PPARGC1A: variants seen among roughly 807,000 people sequenced by gnomAD.
PPARGC1A encodes the protein peroxisome proliferator-activated receptor gamma coactivator 1-alpha.
A neutral mutation model predicts 88.7 loss-of-function variants in PPARGC1A; 25 were observed. The observed-to-expected ratio is 0.28, with a 90% CI of 0.21 to 0.39. The LOEUF (loss-of-function observed/expected upper bound fraction) is 0.39. Ranked by LOEUF, PPARGC1A falls within the 10% of genes least tolerant of loss-of-function variation. The pLI is 1.00. For missense variants in PPARGC1A, 880 were observed against 968.7 expected (o/e 0.91, Z 1.22); for synonymous variants, 363 against 355.6 (o/e 1.02, Z -0.24).
chr4:23,855,324 T>C (rs1165591342), intron 2 of PPARGC1A, among the ~76,000 whole-genome samples: 1 of 152,204 alleles, frequency 6.6e-6, no homozygotes, highest in African/African-American at 2.4e-5. Flanking sequence ...TATTTGAATC[T>C]GGCTTTTACC....
At chr4:24,087,530 C>T in the PPARGC1A span, among the ~76,000 whole-genome samples, 3 of 152,212 alleles carry the variant, frequency 2.0e-5, no homozygotes, top group Admixed American at 2.0e-4. Flanking sequence ...TATCTTCAAT[C>T]TAACAACTGG....
chr4:23,960,035 T>C, the PPARGC1A span, among the ~76,000 whole-genome samples: 1 of 152,258 alleles, frequency 6.6e-6, no homozygotes, highest in South Asian at 2.1e-4. Flanking sequence ...TTATAGTTAG[T>C]TCACACACAA....
chr4:24,235,955 C>A, the PPARGC1A span, among the ~76,000 whole-genome samples: 1 of 152,172 alleles, frequency 6.6e-6, no homozygotes, highest in Admixed American at 6.6e-5. Context: ...TTTCCTTCAT[C>A]CTGTGACTAT....
At chr4:23,876,280 C>A (rs1714671128) in intron 2 of PPARGC1A, among the ~76,000 whole-genome samples, 2 of 152,192 alleles carry the variant, frequency 1.3e-5, no homozygotes, top group African/African-American at 4.8e-5. Context: ...CCTTAAAATT[C>A]TGATCCTATT....
At chr4:24,192,998 G>A in the PPARGC1A span, among the ~76,000 whole-genome samples, 1 of 152,094 alleles carries the variant, frequency 6.6e-6, no homozygotes, top group African/African-American at 2.4e-5. Flanking sequence ...TTCAGCACCA[G>A]AACATTAGAA....
At chr4:24,125,263 A>C in the PPARGC1A span, among the ~76,000 whole-genome samples, 1 of 152,086 alleles carries the variant, frequency 6.6e-6, no homozygotes, top group Non-Finnish European at 1.5e-5. Flanking sequence ...CTCTTCAGAA[A>C]CTTGCCAGGT....
the PPARGC1A span, among the ~76,000 whole-genome samples, chr4:24,436,734 AG>A: frequency 5.7e-5 from 8 of 139,214 alleles, no homozygotes; most frequent in Admixed American, 7.1e-5. Context: ...TGGCCACCCC[AG>A]AGCCCGGGTC....
At chr4:24,393,043 ACACACC>A in the PPARGC1A span, among the ~76,000 whole-genome samples, 4 of 99,440 alleles carry the variant, frequency 4.0e-5, no homozygotes, top group Non-Finnish European at 9.0e-5. Context: ...ACACACACAC[ACACACC>A]CCTTTTTCTG....
chr4:24,043,429 G>A, the PPARGC1A span, among the ~76,000 whole-genome samples: 1 of 152,122 alleles, frequency 6.6e-6, no homozygotes, highest in African/African-American at 2.4e-5. Context: ...CGGCTTTACT[G>A]TAACTTCATT....
At chr4:24,134,046 G>A in the PPARGC1A span, among the ~76,000 whole-genome samples, 1 of 152,288 alleles carries the variant, frequency 6.6e-6, no homozygotes, top group African/African-American at 2.4e-5. Context: ...ACAGGTGAAA[G>A]CAAATATTGT....
the PPARGC1A span, among the ~76,000 whole-genome samples, chr4:24,069,484 G>A: frequency 6.6e-6 from 1 of 152,116 alleles, no homozygotes; most frequent in Non-Finnish European, 1.5e-5. Context: ...CTTTAGCTTA[G>A]CATAAGATGA....
the PPARGC1A span, among the ~76,000 whole-genome samples, chr4:24,421,858 C>G: frequency 6.6e-6 from 1 of 151,858 alleles, no homozygotes; most frequent in Admixed American, 6.6e-5. Context: ...TTTGGTGATT[C>G]CTTATTAAGG....
At chr4:24,332,682 T>A in the PPARGC1A span, among the ~76,000 whole-genome samples, 3 of 152,132 alleles carry the variant, frequency 2.0e-5, no homozygotes, top group Non-Finnish European at 2.9e-5. Context: ...AACAACAAAG[T>A]TGAAATGTAA....
the PPARGC1A span, among the ~76,000 whole-genome samples, chr4:24,354,268 C>A: frequency 2.6e-5 from 4 of 152,122 alleles, no homozygotes; most frequent in Non-Finnish European, 5.9e-5. Context: ...CCAAGATAAT[C>A]TCCCCATCTC....
the PPARGC1A span, among the ~76,000 whole-genome samples, chr4:24,393,013 GCACA>G: frequency 0.081 from 11,781 of 145,924 alleles, 493 homozygotes; most frequent in Middle Eastern, 0.16. Flanking sequence ...TGCTCCATCA[GCACA>G]CACACACACA....
chr4:23,813,259 C>T, intron 8 of PPARGC1A, 134 bp from the exon 9 acceptor site: 1 of 744,972 alleles, frequency 1.3e-6, no homozygotes, highest in Non-Finnish European at 2.3e-6. Flanking sequence ...AGGGAGATTT[C>T]CCAGTGACAG....
chr4:24,017,404 G>C, the PPARGC1A span, among the ~76,000 whole-genome samples: 1 of 152,118 alleles, frequency 6.6e-6, no homozygotes, highest in East Asian at 1.9e-4. Context: ...GGTGAGTTTT[G>C]TTGGGAAAGC....
chr4:24,062,553 C>T, the PPARGC1A span, among the ~76,000 whole-genome samples: 10 of 152,184 alleles, frequency 6.6e-5, no homozygotes, highest in Non-Finnish European at 1.3e-4. Context: ...TTCATTTGCA[C>T]ATCTGCCTCC....
At chr4:23,973,332 A>C in the PPARGC1A span, among the ~76,000 whole-genome samples, 2 of 152,166 alleles carry the variant, frequency 1.3e-5, no homozygotes, top group Non-Finnish European at 2.9e-5. Context: ...TTCAGACTTT[A>C]TTTTCCTTTC....
Sources: allele counts gnomAD v4.1 joint callset (sites outside exome capture counted in the v4.1 genomes callset), GRCh38; gene constraint gnomAD v4.1.1; transcripts MANE v1.5; gene names NCBI Gene and HGNC (gene_info 2026-07-23, HGNC 2026-07-21).